Variants in GALNT13 observed in about 807,000 individuals in gnomAD.
The protein encoded by GALNT13 is UDP-GalNAc:polypeptide N-acetylgalactosaminyltransferase 13.
GALNT13 carries 28 observed loss-of-function variants against 64.2 expected under a neutral mutation model. The ratio of observed to expected loss-of-function variants is 0.44; its 90% CI spans 0.32 to 0.60. The LOEUF (loss-of-function observed/expected upper bound fraction) is 0.60. Ranked by LOEUF, GALNT13 falls within the 20% of genes least tolerant of loss-of-function variation. The pLI is 0.05. For synonymous variants in GALNT13, 214 were observed against 224.6 expected (o/e 0.95, Z 0.42); for missense variants, 577 against 669.8 (o/e 0.86, Z 1.53).
intron 3 of GALNT13, among the ~76,000 whole-genome samples, chr2:154,093,379 A>T (rs1701915336): frequency 6.6e-6 from 1 of 151,872 alleles, no homozygotes; most frequent in South Asian, 2.1e-4. Context: ...GCATTTTTTC[A>T]ATTTTAAATT....
At chr2:153,941,698 T>G (rs554805835) in intron 2 of GALNT13, among the ~76,000 whole-genome samples, 1 of 152,314 alleles carries the variant, frequency 6.6e-6, no homozygotes, top group African/African-American at 2.4e-5. Context: ...AAATACAATA[T>G]ATAAGATTAT....
At chr2:154,373,111 T>C (rs1434278533) in intron 9 of GALNT13, among the ~76,000 whole-genome samples, 3 of 152,148 alleles carry the variant, frequency 2.0e-5, no homozygotes, top group South Asian at 2.1e-4. Context: ...TGAAAACTTA[T>C]ATAAAAAATG....
chr2:154,382,786 C>T (rs567591804), intron 9 of GALNT13, among the ~76,000 whole-genome samples: 5 of 108,668 alleles, frequency 4.6e-5, no homozygotes, highest in East Asian at 2.5e-4. Flanking sequence ...TCTCTTAAAA[C>T]GTTTTTTTTT....
the GALNT13 span, among the ~76,000 whole-genome samples, chr2:153,154,118 A>T: frequency 5.0e-3 from 752 of 151,842 alleles, 8 homozygotes; most frequent in African/African-American, 0.017. Context: ...TTACCTCCTG[A>T]TATGGTTTGG....
chr2:154,312,822 A>C (rs1694120941), intron 9 of GALNT13, among the ~76,000 whole-genome samples: 1 of 152,168 alleles, frequency 6.6e-6, no homozygotes, highest in Non-Finnish European at 1.5e-5. Context: ...AGAATACCAG[A>C]ATCAGATATC....
the GALNT13 span, among the ~76,000 whole-genome samples, chr2:153,175,901 C>T: frequency 6.6e-6 from 1 of 152,100 alleles, no homozygotes; most frequent in South Asian, 2.1e-4. Flanking sequence ...AGAAACTTCA[C>T]TGGGGGGAGT....
At chr2:154,242,229 TTTTTGTTTTG>T (rs761291056) in intron 5 of GALNT13, 33 bp downstream of exon 5, 13 of 1,594,350 alleles carry the variant, frequency 8.2e-6, no homozygotes, top group African/African-American at 1.4e-5. Context: ...TGTTTTTGTT[TTTTTGTTTTG>T]TTTTGTTTTG....
Position 153,923,875 on chromosome 2 carries a change from AT to A in GALNT13, c.-104-20513del, listed in dbSNP as rs1448809414. 4.6e-5 allele frequency among the ~76,000 whole-genome samples: 7 copies of A among 151,990 alleles called. No homozygotes were observed. The South Asian group carries it at 1.5e-3, about 32-fold the overall frequency. On this transcript the variant is annotated intron_variant, in intron 2 of 12. Transcript: ENST00000392825. ...TCCCTACGAAGGACATGAACTCATCATTTTTTATGGCTGCATAGTATTCCAT... is the reference window on the plus strand; with the variant it reads ...TCCCTACGAAGGACATGAACTCATCATTTTTATGGCTGCATAGTATTCCAT...
the GALNT13 span, among the ~76,000 whole-genome samples, chr2:153,711,158 G>C: frequency 1.3e-5 from 2 of 152,016 alleles, no homozygotes; most frequent in Non-Finnish European, 2.9e-5. Flanking sequence ...CCAAGTTTTT[G>C]AAAGAGTCAT....
At chr2:154,129,587 C>A (rs1172848024) in intron 3 of GALNT13, among the ~76,000 whole-genome samples, 1 of 152,016 alleles carries the variant, frequency 6.6e-6, no homozygotes, top group African/African-American at 2.4e-5. Flanking sequence ...AGATGCTTCA[C>A]TGAAGTGGGA....
chr2:153,311,314 A>G, the GALNT13 span, among the ~76,000 whole-genome samples: 1 of 152,250 alleles, frequency 6.6e-6, no homozygotes, highest in Middle Eastern at 3.4e-3. Flanking sequence ...TACTTGGAAG[A>G]CGCAAATGGA....
intron 2 of GALNT13, among the ~76,000 whole-genome samples, chr2:153,936,457 A>G (rs553858879): frequency 2.3e-4 from 35 of 152,196 alleles, no homozygotes; most frequent in Admixed American, 1.2e-3. Context: ...AGCAAATATG[A>G]CCCAGTTTAG....
the GALNT13 span, among the ~76,000 whole-genome samples, chr2:153,511,577 C>G: frequency 6.6e-6 from 1 of 152,126 alleles, no homozygotes; most frequent in Non-Finnish European, 1.5e-5. Context: ...ATCTTGACCA[C>G]AGGAGGTTAG....
chr2:154,260,296 T>G (rs973851042), intron 8 of GALNT13, among the ~76,000 whole-genome samples: 7 of 152,202 alleles, frequency 4.6e-5, no homozygotes, highest in African/African-American at 1.7e-4. Context: ...GCCTTTTAAT[T>G]TCTCATTTCA....
chr2:153,852,756 A>T, the GALNT13 span, among the ~76,000 whole-genome samples: 1 of 152,348 alleles, frequency 6.6e-6, no homozygotes, highest in Non-Finnish European at 1.5e-5. Flanking sequence ...AGCTTTAAAC[A>T]TATAACAGCC....
chr2:153,408,669 T>G, the GALNT13 span, among the ~76,000 whole-genome samples: 124 of 152,118 alleles, frequency 8.2e-4, no homozygotes, highest in African/African-American at 2.8e-3. Flanking sequence ...TTTTTGTTTT[T>G]TTTTTGCTAA....
At chr2:153,137,499 A>G in the GALNT13 span, among the ~76,000 whole-genome samples, 1 of 152,052 alleles carries the variant, frequency 6.6e-6, no homozygotes, top group South Asian at 2.1e-4. Flanking sequence ...TGTTATAATT[A>G]CTTGTCAAAA....
the GALNT13 span, among the ~76,000 whole-genome samples, chr2:153,818,410 A>G: frequency 1.3e-5 from 2 of 152,134 alleles, no homozygotes; most frequent in African/African-American, 2.4e-5. Flanking sequence ...CTCACCAGGC[A>G]AGGCTCCCTG....
the GALNT13 span, among the ~76,000 whole-genome samples, chr2:153,242,092 ATTAAAAGCCTTTGCAAGCTTG>A: frequency 1.3e-5 from 2 of 152,184 alleles, no homozygotes; most frequent in African/African-American, 4.8e-5. Flanking sequence ...ATCTTGAACA[ATTAAAAGCCTTTGCAAGCTTG>A]AAACTGGCTG....
Sources: gnomAD v4.1 joint callset for allele counts (sites outside exome capture counted in the v4.1 genomes callset) on GRCh38, gnomAD v4.1.1 for gene constraint, MANE v1.5 for transcripts, NCBI Gene and HGNC (gene_info 2026-07-23, HGNC 2026-07-21) for gene names.